The following GFPT2 variants were observed in gnomAD, a reference collection of about 807,000 sequenced individuals.
GFPT2 encodes the protein glutamine--fructose-6-phosphate aminotransferase [isomerizing] 2.
A neutral mutation model predicts 85.6 loss-of-function variants in GFPT2; 62 were observed. The observed-to-expected ratio is 0.72, with a 90% confidence interval of 0.59 to 0.90. The LOEUF (loss-of-function observed/expected upper bound fraction) is 0.90. Among genes scored for constraint, GFPT2 ranks in the 40% least tolerant of loss-of-function variants. GFPT2 has a pLI of 0.00. For missense variants in GFPT2, 788 were observed against 893.4 expected, an observed-to-expected ratio of 0.88 and a Z score of 1.50; for synonymous variants, 368 against 344.5, an observed-to-expected ratio of 1.07 and a Z score of -0.75.
chr5:180,331,232 A>G (rs886256593), intron 5 of GFPT2, among the ~76,000 whole-genome samples: 1 of 152,250 alleles, frequency 6.6e-6, no homozygotes, highest in Non-Finnish European at 1.5e-5. Flanking sequence ...AGACAGTTTA[A>G]TAAAACGAAG....
chr5:180,317,555 C>T lies in GFPT2; in HGVS notation c.959-497G>A, dbSNP rs144561132. ...CGGGCGGATCACGAAGTCAGGAGAT[C>T]GAGACCATCCCGGCTAAAACAGTGA... On this transcript the variant is annotated intron_variant, in intron 10 of 18. Coordinates refer to ENST00000253778, the MANE Select transcript of GFPT2 (RefSeq NM_005110.4). Among the ~76,000 whole-genome samples, 878 of 151,028 alleles carry T rather than the reference C, an allele frequency of 5.8e-3. 39 individuals carry two copies. Among genetic ancestry groups the T allele is most frequent in the African/African-American group, 0.02 (822 of 40,540 alleles).
chr5:180,352,238 G>C, intron 1 of GFPT2: 3 of 355,094 alleles, frequency 8.4e-6, no homozygotes, highest in South Asian at 2.1e-5. Flanking sequence ...ACCCCACCCC[G>C]GCCCTCAGCA....
chr5:180,302,201 C>G (rs180982676), intron 18 of GFPT2, among the ~76,000 whole-genome samples: 1 of 150,870 alleles, frequency 6.6e-6, no homozygotes, highest in Admixed American at 6.6e-5. Flanking sequence ...GCAGGAGAAT[C>G]GCTTGAACCC....
Position 180,324,861 on chromosome 5 carries a change from T to C in GFPT2, c.631A>G (p.Lys211Glu), listed in dbSNP as rs756318789. 1.9e-6 allele frequency: 3 copies of C among 1,612,416 alleles called. No individual in the cohort carries two copies. The African/African-American group carries it at 4.0e-5, about 22-fold the overall frequency. ...GSPLLIGVRS[K>E]YKLSTEQIPI... is the part of the protein sequence containing the mutation. ...ATCTGTTCTGTGGAGAGCTTGTATTTGCTCCGGACTCCGATGAGCAGGGGG... is the reference window on the plus strand; with the variant it reads ...ATCTGTTCTGTGGAGAGCTTGTATTCGCTCCGGACTCCGATGAGCAGGGGG... Residue 211 changes from lysine (K) to glutamate (E), a missense_variant, in exon 8 of 19, where the codon AAA becomes GAA. Transcript: ENST00000253778.
chr5:180,319,063 G>A, intron 9 of GFPT2, 107 bp from the exon 10 acceptor site: 1 of 903,258 alleles, frequency 1.1e-6, no homozygotes, highest in Non-Finnish European at 1.7e-6. Context: ...GGCATTTTAG[G>A]AGGGACAGAG....
chr5:180,310,924 A>G (rs1763869786), intron 15 of GFPT2, among the ~76,000 whole-genome samples: 1 of 151,724 alleles, frequency 6.6e-6, no homozygotes, highest in Non-Finnish European at 1.5e-5. Context: ...CTTTGCAGAC[A>G]CCCAGGACCT....
Position 180,312,462 on chromosome 5 carries a change from T to C in GFPT2, c.1514A>G (p.Gln505Arg). The change falls in exon 15 of 19, where the codon CAA becomes CGA. Residue 505 changes from glutamine (Q) to arginine (R), a missense_variant. Coordinates refer to ENST00000253778, the MANE Select transcript of GFPT2 (RefSeq NM_005110.4). ...EDRISLQNRR[Q>R]EIIRGLRSLP... ...AGATCTCAAGCCACGGATGATCTCTTGCCTCCTGTTTTGTAGTGAAATTCG... is the reference window on the plus strand; with the variant it reads ...AGATCTCAAGCCACGGATGATCTCTCGCCTCCTGTTTTGTAGTGAAATTCG... 8 of 1,607,014 alleles carry C rather than the reference T, an allele frequency of 5.0e-6. No homozygotes were observed. In the South Asian group the frequency reaches 5.5e-5, roughly 11 times the overall value.
At chr5:180,345,017 C>T (rs1020517382) in intron 1 of GFPT2, among the ~76,000 whole-genome samples, 3 of 152,240 alleles carry the variant, frequency 2.0e-5, no homozygotes, top group Admixed American at 6.5e-5. Context: ...GAACCCACCT[C>T]GAACCCCAGC....
chr5:180,312,012 AGGGAGG>A, intron 15 of GFPT2, among the ~76,000 whole-genome samples: 1 of 73,134 alleles, frequency 1.4e-5, no homozygotes, highest in Admixed American at 1.5e-4. Flanking sequence ...GCTGAGGGGC[AGGGAGG>A]CAGGGAGGCG....
rs1250611256 is a variant in GFPT2 at position 180,330,040 on chromosome 5, C to A, written c.534+660G>T. Among the ~76,000 whole-genome samples the A allele has an allele frequency of 6.6e-6, 1 of 152,210 alleles. No individual in the cohort carries two copies. The highest frequency in any genetic ancestry group is 1.5e-5 in the Non-Finnish European group (1 of 68,044). On this transcript the variant is annotated intron_variant, in intron 6 of 18. Transcript: ENST00000253778. This position sits in a 1 kb window ranked among gnomAD's most constrained non-coding sequence, Gnocchi z 4.4. The stretch of plus-strand genomic sequence containing the variant: ...TGATATCACCTATCACAAAAACAGG[C>A]CAGGCACAGTGGCTCACGCCTGTAA...
chr5:180,314,067 G>A (rs957342653), intron 13 of GFPT2, 103 bp from the exon 14 acceptor site: 1 of 1,163,872 alleles, frequency 8.6e-7, no homozygotes, highest in Middle Eastern at 2.9e-4. Flanking sequence ...ATCGGCGCCC[G>A]AGACACAGCC....
intron 10 of GFPT2, among the ~76,000 whole-genome samples, chr5:180,317,559 A>AC (rs1554133688): frequency 2.8e-5 from 4 of 145,418 alleles, no homozygotes; most frequent in South Asian, 2.1e-4. Flanking sequence ...GGAGATCGAG[A>AC]CCATCCCGGC....
intron 9 of GFPT2, among the ~76,000 whole-genome samples, chr5:180,322,545 A>G (rs916683168): frequency 6.6e-5 from 10 of 152,322 alleles, no homozygotes; most frequent in African/African-American, 2.4e-4. Flanking sequence ...ACCTGAGAAT[A>G]AGGTGGACAA....
In GFPT2 at chr5:180,328,424, C is replaced by T. The variant is rs138589134; in HGVS notation, c.535-86G>A. ...ACAGCCCAGGTGCGTCTCCCTGGGCCCCTCCTGATGGCGGGAGGTCCTGGG... is the reference window on the plus strand; with the variant it reads ...ACAGCCCAGGTGCGTCTCCCTGGGCTCCTCCTGATGGCGGGAGGTCCTGGG... On this transcript the variant is annotated intron_variant, in intron 6 of 18. Coordinates refer to ENST00000253778, the MANE Select transcript of GFPT2 (RefSeq NM_005110.4). This position sits in a 1 kb window ranked among gnomAD's most constrained non-coding sequence, Gnocchi z 5.4. 5.3e-3 allele frequency: 5,537 copies of T among 1,052,618 alleles called. 25 individuals carry two copies. The highest frequency in any genetic ancestry group is 6.0e-3 in the Non-Finnish European group (4,063 of 672,932). 65.2% of individuals were successfully genotyped at this position (1,052,618 alleles called of 1,614,324 possible). A position where few individuals can be genotyped will look rare whatever the true frequency, so the allele number is the denominator to read the frequency against.
chr5:180,331,782 G>GA, intron 4 of GFPT2: 1 of 540,022 alleles, frequency 1.9e-6, no homozygotes, highest in African/African-American at 1.9e-5. Flanking sequence ...ATGGGATCCG[G>GA]AGGAAATACA....
At chr5:180,324,758 C>T in intron 8 of GFPT2, 58 bp downstream of exon 8, 1 of 1,127,124 alleles carries the variant, frequency 8.9e-7, no homozygotes, top group Non-Finnish European at 1.4e-6. Flanking sequence ...GCCAGAGCAG[C>T]TGCCGAGTCC....
intron 13 of GFPT2, 88 bp downstream of exon 13, chr5:180,316,253 T>C (rs1441470223): frequency 3.0e-6 from 4 of 1,342,202 alleles, no homozygotes; most frequent in Non-Finnish European, 4.2e-6. Flanking sequence ...AGGGTAGCCA[T>C]GCAGAGGACT....
At chr5:180,314,116 T>G (rs1028874371) in intron 13 of GFPT2, 152 bp from the exon 14 acceptor site, 1 of 679,422 alleles carries the variant, frequency 1.5e-6, no homozygotes, top group African/African-American at 1.8e-5. Flanking sequence ...CTCAACAGCC[T>G]TTTCGGTTGA....
intron 4 of GFPT2, among the ~76,000 whole-genome samples, chr5:180,334,162 A>G (rs1764356570): frequency 1.3e-5 from 2 of 152,208 alleles, no homozygotes; most frequent in South Asian, 4.1e-4. Flanking sequence ...GACCCAAGGA[A>G]GAGGCCCTCG....
Sources: allele counts gnomAD v4.1 joint callset (sites outside exome capture counted in the v4.1 genomes callset), GRCh38; gene constraint gnomAD v4.1.1; non-coding constraint Gnocchi (gnomAD v3.1); transcripts MANE v1.5; gene names NCBI Gene and HGNC (gene_info 2026-07-23, HGNC 2026-07-21).